Variants in SPIRE1 observed in about 807,000 individuals in gnomAD.
SPIRE1 encodes spire type actin nucleation factor 1.
Under a neutral mutation model 94.1 loss-of-function variants are expected in SPIRE1, and 40 were observed. The observed-to-expected ratio is 0.43, with a 90% CI of 0.33 to 0.55. SPIRE1 has a LOEUF of 0.55. Among genes scored for constraint, SPIRE1 ranks in the 20% least tolerant of loss-of-function variants. SPIRE1 has a pLI of 0.06. For missense variants in SPIRE1, 838 were observed against 975.2 expected (o/e 0.86, Z 1.87); for synonymous variants, 376 against 371.7 (o/e 1.01, Z -0.13).
chr18:12,530,903 G>C (rs545879046), intron 4 of SPIRE1, among the ~76,000 whole-genome samples: 1 of 152,144 alleles, frequency 6.6e-6, no homozygotes, highest in African/African-American at 2.4e-5. Flanking sequence ...GGAGAATTTG[G>C]TGAGCATACT....
At chr18:12,539,867 C>CA (rs1293611003) in intron 3 of SPIRE1, among the ~76,000 whole-genome samples, 1 of 149,234 alleles carries the variant, frequency 6.7e-6, no homozygotes, top group African/African-American at 2.5e-5. Flanking sequence ...GTGGAGGCTG[C>CA]AGTGAGCCGA....
chr18:12,515,065 C>T (rs747182806), intron 4 of SPIRE1, among the ~76,000 whole-genome samples: 19 of 152,120 alleles, frequency 1.2e-4, no homozygotes, highest in Non-Finnish European at 2.2e-4. Flanking sequence ...CTTGGAAACA[C>T]GTTCTTTCTG....
chr18:12,619,288 A>T (rs62097148), intron 2 of SPIRE1, among the ~76,000 whole-genome samples: 5 of 151,956 alleles, frequency 3.3e-5, no homozygotes, highest in Non-Finnish European at 7.4e-5. Context: ...AAGGCAGGCC[A>T]ATCAGGTCAG....
At chr18:12,471,713 G>C (rs1234068003) in intron 10 of SPIRE1, among the ~76,000 whole-genome samples, 1 of 152,200 alleles carries the variant, frequency 6.6e-6, no homozygotes, top group African/African-American at 2.4e-5. Context: ...AGACAGACTT[G>C]GGTTTCAAAT....
Position 12,657,710 on chromosome 18 carries a change from T to A in SPIRE1, c.157A>T (p.Ile53Phe). The A allele has an allele frequency of 2.8e-6, 4 of 1,405,314 alleles. No homozygotes were observed. Among genetic ancestry groups the A allele is most frequent in the Non-Finnish European group, 3.7e-6 (4 of 1,072,116 alleles). The allele number at this position is 1,405,314 out of a possible 1,614,324, so 87.1% of individuals were successfully genotyped here. A position where few individuals can be genotyped will look rare whatever the true frequency, so the allele number is the denominator to read the frequency against. Residue 53 changes from isoleucine to phenylalanine, a missense_variant, in exon 1 of 17, where the codon ATC (isoleucine) becomes TTC (phenylalanine). Ile to Phe is a conservative substitution (Grantham distance 21). Transcript: ENST00000409402. ...ACGGCCCACGCCTGCTCCTCGTTGA[T>A]GGGCTGGTTGTACAGCCGCAGGATC... ...EEILRLYNQPINEEQAWAVCY... is the reference protein window; with the variant it reads ...EEILRLYNQPFNEEQAWAVCY...
chr18:12,654,226 A>AC (rs1482960638), intron 1 of SPIRE1, among the ~76,000 whole-genome samples: 1 of 150,902 alleles, frequency 6.6e-6, no homozygotes, highest in Non-Finnish European at 1.5e-5. Context: ...AATCCCAGCT[A>AC]CTTGGGAGGC....
intron 2 of SPIRE1, among the ~76,000 whole-genome samples, chr18:12,608,046 T>C (rs572352008): frequency 3.5e-4 from 53 of 151,762 alleles, no homozygotes; most frequent in African/African-American, 1.3e-3. Flanking sequence ...TAGTCCCAGC[T>C]ACTCAGGAGG....
chr18:12,587,713 C>T (rs1345766029), intron 2 of SPIRE1, among the ~76,000 whole-genome samples: 5 of 152,036 alleles, frequency 3.3e-5, no homozygotes, highest in African/African-American at 9.7e-5. Flanking sequence ...TTTTCCTACC[C>T]AGTGATTTAG....
intron 2 of SPIRE1, among the ~76,000 whole-genome samples, chr18:12,564,367 T>A (rs1367193160): frequency 1.3e-5 from 2 of 151,738 alleles, no homozygotes; most frequent in African/African-American, 4.8e-5. Context: ...TAACTATGAG[T>A]CAAACTCTAG....
chr18:12,500,743 G>A (rs559649298), intron 6 of SPIRE1, among the ~76,000 whole-genome samples: 43 of 152,244 alleles, frequency 2.8e-4, no homozygotes, highest in Middle Eastern at 3.4e-3. Context: ...TTTGGGTCAT[G>A]AATAAACAAA....
At chr18:12,626,886 A>ATTTTT (rs1194431610) in intron 2 of SPIRE1, among the ~76,000 whole-genome samples, 9 of 111,896 alleles carry the variant, frequency 8.0e-5, no homozygotes, top group East Asian at 2.6e-4. Context: ...ATATATATAT[A>ATTTTT]TTTTTTTTTT....
At chr18:12,544,504 G>A (rs968689779) in intron 3 of SPIRE1, among the ~76,000 whole-genome samples, 40 of 140,172 alleles carry the variant, frequency 2.9e-4, no homozygotes, top group Non-Finnish European at 5.5e-4. Context: ...GCGCCCAGTC[G>A]TTTTTTTTTT....
At chr18:12,512,391 A>C in intron 5 of SPIRE1, 63 bp downstream of exon 5, 5 of 1,314,526 alleles carry the variant, frequency 3.8e-6, no homozygotes, top group Non-Finnish European at 5.3e-6. Context: ...TGTCTCAAAA[A>C]AAAAAAAAAA....
At chr18:12,456,168 C>A (rs1055965493) in intron 12 of SPIRE1, among the ~76,000 whole-genome samples, 1 of 152,126 alleles carries the variant, frequency 6.6e-6, no homozygotes, top group Admixed American at 6.5e-5. Context: ...GCCTAAAATA[C>A]GCATTTAAAA....
intron 5 of SPIRE1, among the ~76,000 whole-genome samples, chr18:12,511,427 C>T (rs2034032937): frequency 6.6e-6 from 1 of 152,112 alleles, no homozygotes. Flanking sequence ...GAATCTAATG[C>T]CTGATGATCT....
At chr18:12,455,641 G>A (rs912379712) in intron 12 of SPIRE1, among the ~76,000 whole-genome samples, 4 of 152,240 alleles carry the variant, frequency 2.6e-5, no homozygotes, top group Admixed American at 2.0e-4. Flanking sequence ...ATCCGGCCCC[G>A]CACTTGATTG....
chr18:12,474,917 G>T (rs1236613570), intron 10 of SPIRE1, among the ~76,000 whole-genome samples: 1 of 152,148 alleles, frequency 6.6e-6, no homozygotes, highest in East Asian at 1.9e-4. Context: ...GAAGCAGGAA[G>T]AAAAAGAATA....
rs766745621 is a variant in SPIRE1, at chr18:12,461,495, C to A, written c.1638+1856G>T. Among the ~76,000 whole-genome samples the A allele has an allele frequency of 4.9e-4, 27 of 54,818 alleles. No individual in the cohort carries two copies. The Middle Eastern group carries it at 0.05, about 102-fold the overall frequency. The allele number at this position is 54,818 out of a possible 152,430, so 36.0% of individuals were successfully genotyped here. Reference sequence around the variant, plus strand: ...GTACGTACATACATATGTGTGTATGCACGTACATATGTACGTACATACATA... The same window carrying A: ...GTACGTACATACATATGTGTGTATGAACGTACATATGTACGTACATACATA... On this transcript the variant is annotated intron_variant, in intron 12 of 16. Transcript: ENST00000409402.
At chr18:12,647,932 A>C (rs1391539927) in intron 1 of SPIRE1, among the ~76,000 whole-genome samples, 1 of 152,174 alleles carries the variant, frequency 6.6e-6, no homozygotes, top group Non-Finnish European at 1.5e-5. Context: ...GCCAGAAAGC[A>C]AGGACGTGCT....
Sources: gnomAD v4.1 joint callset for allele counts (sites outside exome capture counted in the v4.1 genomes callset) on GRCh38, gnomAD v4.1.1 for gene constraint, MANE v1.5 for transcripts, NCBI Gene and HGNC (gene_info 2026-07-23, HGNC 2026-07-21) for gene names.